TTC6: variants seen among roughly 807,000 people sequenced by gnomAD.
TTC6 encodes the protein tetratricopeptide repeat domain 6.
A neutral mutation model predicts 210.4 loss-of-function variants in TTC6; 172 were observed. The ratio of observed to expected loss-of-function variants is 0.82; its 90% CI spans 0.72 to 0.93. The LOEUF (loss-of-function observed/expected upper bound fraction) is 0.93, where lower values mean the gene tolerates loss of function less well. TTC6 is among the 40% of genes least tolerant of loss of function. TTC6 has a pLI of 0.00. For synonymous variants in TTC6, 804 were observed against 819.6 expected, an observed-to-expected ratio of 0.98 and a Z score of 0.32; for missense variants, 2,414 against 2,318.1, an observed-to-expected ratio of 1.04 and a Z score of -0.85.
chr14:37,784,999 T>G (rs1382149867), intron 14 of TTC6, among the ~76,000 whole-genome samples: 1 of 152,256 alleles, frequency 6.6e-6, no homozygotes, highest in Non-Finnish European at 1.5e-5. Flanking sequence ...CAGCTGTTAA[T>G]CTGATGGGCT....
intron 1 of TTC6, among the ~76,000 whole-genome samples, chr14:37,662,436 T>C (rs2095739344): frequency 6.6e-6 from 1 of 152,208 alleles, no homozygotes; most frequent in Non-Finnish European, 1.5e-5. Context: ...TTAGATCTGT[T>C]TATATGATGA....
intron 7 of TTC6, among the ~76,000 whole-genome samples, chr14:37,729,320 G>C (rs1015950778): frequency 6.6e-6 from 1 of 152,156 alleles, no homozygotes; most frequent in Non-Finnish European, 1.5e-5. Context: ...GCAGAAGATT[G>C]GTGAATATTA....
intron 2 of TTC6, among the ~76,000 whole-genome samples, chr14:37,608,476 A>ATT (rs200706439): frequency 5.9e-5 from 9 of 151,812 alleles, no homozygotes; most frequent in Non-Finnish European, 1.0e-4. Flanking sequence ...CACCTGGCTA[A>ATT]TTTTTTTGCC....
intron 29 of TTC6, among the ~76,000 whole-genome samples, chr14:37,834,388 A>G (rs981545444): frequency 2.0e-5 from 3 of 151,886 alleles, no homozygotes; most frequent in South Asian, 4.1e-4. Context: ...TTTTATTATT[A>G]TTGTCTGACT....
chr14:37,751,297 C>A, intron 13 of TTC6, 72 bp downstream of exon 15: 1 of 1,152,610 alleles, frequency 8.7e-7, no homozygotes, highest in Non-Finnish European at 1.1e-6. Context: ...AATAGTACAG[C>A]AAGTTTTTGA....
rs946759592 is a variant in TTC6, at chr14:37,810,378, T to G, written c.4569+1532T>G. On this transcript the variant is annotated intron_variant, in intron 24 of 30. Transcript: ENST00000553443. The stretch of plus-strand genomic sequence containing the variant: ...TGCGAAAGAGCCAGTGCCCTGTTAA[T>G]TAAGAAAATGCAAAACTACCTAAAT... Among the ~76,000 whole-genome samples the G allele has an allele frequency of 5.8e-4, 88 of 152,294 alleles. 1 individual carries two copies. Among genetic ancestry groups the G allele is most frequent in the African/African-American group, 1.9e-3 (81 of 41,570 alleles).
At chr14:37,757,571 CCTT>C (rs1418783075) in intron 14 of TTC6, among the ~76,000 whole-genome samples, 17 of 152,166 alleles carry the variant, frequency 1.1e-4, no homozygotes, top group African/African-American at 3.4e-4. Context: ...CTGCGCCTGG[CCTT>C]CTTCTTTATT....
intron 14 of TTC6, 147 bp from the exon 17 acceptor site, chr14:37,787,321 C>A: frequency 5.5e-6 from 3 of 541,988 alleles, no homozygotes; most frequent in Non-Finnish European, 9.2e-6. Flanking sequence ...ATCATTTTTG[C>A]TGTTAACATC....
upstream of TTC6, among the ~76,000 whole-genome samples, chr14:37,620,433 T>G (rs571113506): frequency 4.6e-5 from 7 of 152,232 alleles, no homozygotes; most frequent in South Asian, 1.4e-3. Flanking sequence ...TACCCTGATT[T>G]CTTGAAATGC....
At chr14:37,783,308 G>A in intron 14 of TTC6, among the ~76,000 whole-genome samples, 1 of 152,040 alleles carries the variant, frequency 6.6e-6, no homozygotes, top group Non-Finnish European at 1.5e-5. Flanking sequence ...CAATTTCAGA[G>A]CCTGTTATTG....
exon 13 of TTC6, chr14:37,751,063 G>T: frequency 6.6e-7 from 1 of 1,521,668 alleles, no homozygotes; most frequent in Admixed American, 2.0e-5. Context: ...AGGCATATTT[G>T]TCAAAAGCAG....
intron 2 of TTC6, among the ~76,000 whole-genome samples, chr14:37,612,149 C>T (rs1415612889): frequency 2.0e-5 from 3 of 152,156 alleles, no homozygotes; most frequent in Non-Finnish European, 4.4e-5. Flanking sequence ...TTGACAGATT[C>T]ATACACCTTT....
chr14:37,682,348 G>A (rs952098551), intron 2 of TTC6, among the ~76,000 whole-genome samples: 1 of 151,620 alleles, frequency 6.6e-6, no homozygotes, highest in African/African-American at 2.4e-5. Flanking sequence ...ATAAAAACAT[G>A]AGCTCCTGCT....
intron 1 of TTC6, among the ~76,000 whole-genome samples, chr14:37,643,612 A>T (rs2095696306): frequency 6.6e-6 from 1 of 152,040 alleles, no homozygotes; most frequent in Non-Finnish European, 1.5e-5. Context: ...CCCTTTCCTC[A>T]CCTTTTAAAG....
At chr14:37,685,560 T>A (rs929093593) in intron 3 of TTC6, among the ~76,000 whole-genome samples, 12 of 152,124 alleles carry the variant, frequency 7.9e-5, no homozygotes, top group Non-Finnish European at 1.8e-4. Flanking sequence ...AAGGTTGAGG[T>A]TTTAAATAAA....
chr14:37,632,215 A>C (rs2095671235), intron 1 of TTC6, among the ~76,000 whole-genome samples: 2 of 152,200 alleles, frequency 1.3e-5, no homozygotes, highest in Admixed American at 6.5e-5. Flanking sequence ...TTGGAATTGC[A>C]GCCTTTTTGC....
intron 26 of TTC6, among the ~76,000 whole-genome samples, chr14:37,822,122 A>C (rs1293797248): frequency 1.3e-5 from 2 of 152,054 alleles, no homozygotes; most frequent in East Asian, 3.9e-4. Flanking sequence ...ATGGTGCAGC[A>C]CTCAGGCTGT....
Position 37,789,618 on chromosome 14 carries a change from T to TATATA in TTC6, c.3437-1099_3437-1098insATATA, listed in dbSNP as rs57518932. Among the ~76,000 whole-genome samples the TATATA allele has an allele frequency of 4.2e-3, 447 of 106,078 alleles. 4 individuals carry two copies. Among genetic ancestry groups the TATATA allele is most frequent in the Middle Eastern group, 0.017 (3 of 180 alleles). The allele number at this position is 106,078 out of a possible 152,430, so 69.6% of individuals were successfully genotyped here. ...CTCTTATATATATATATATATATAT[T>TATATA]GTATATACTCTATGTATATTCTATA... On this transcript the variant is annotated intron_variant, in intron 15 of 30. Coordinates refer to ENST00000553443, the Ensembl canonical transcript of TTC6.
intron 3 of TTC6, among the ~76,000 whole-genome samples, chr14:37,692,695 C>A (rs1414791841): frequency 6.6e-6 from 1 of 151,722 alleles, no homozygotes; most frequent in Non-Finnish European, 1.5e-5. Flanking sequence ...CCCATCTCCA[C>A]TAAAAATACA....
Sources: gnomAD v4.1 joint callset for allele counts (sites outside exome capture counted in the v4.1 genomes callset) on GRCh38, gnomAD v4.1.1 for gene constraint, MANE v1.5 for transcripts, NCBI Gene and HGNC (gene_info 2026-07-23, HGNC 2026-07-21) for gene names.